TFEB: variants seen among roughly 807,000 people sequenced by gnomAD.
The protein encoded by TFEB is T-cell transcription factor EB.
In TFEB, 12 loss-of-function variants were observed where a neutral mutation model predicts 48.0. The observed-to-expected ratio is 0.25, with a 90% CI of 0.16 to 0.40. The LOEUF is 0.40. Among genes scored for constraint, TFEB ranks in the 10% least tolerant of loss-of-function variants. The pLI, the probability that TFEB is intolerant of heterozygous loss-of-function variation, is 1.00. For synonymous variants in TFEB, 244 were observed against 261.4 expected (o/e 0.93, Z 0.64); for missense variants, 509 against 640.3 (o/e 0.79, Z 2.21).
intron 1 of TFEB, among the ~76,000 whole-genome samples, chr6:41,708,091 G>A (rs1433359560): frequency 1.3e-5 from 2 of 152,256 alleles, no homozygotes; most frequent in African/African-American, 4.8e-5. Context: ...GCGAGCCAGT[G>A]TCTGCCACAT....
chr6:41,686,577 G>A (rs1011294967), intron 7 of TFEB: 27 of 240,978 alleles, frequency 1.1e-4, no homozygotes, highest in African/African-American at 3.9e-4. Context: ...GTGCAGTAGC[G>A]AGATCTCGGC....
At chr6:41,702,870 C>T (rs9369305) in intron 1 of TFEB, among the ~76,000 whole-genome samples, 21,142 of 152,248 alleles carry the variant, frequency 0.14, 1,657 homozygotes, top group East Asian at 0.23. Context: ...TCCCCCTCTC[C>T]GGGACTCAAG....
At chr6:41,697,427 A>AAAAAAAAAAAAAAAAAAAAAG (rs1769655029) in intron 1 of TFEB, among the ~76,000 whole-genome samples, 3 of 145,198 alleles carry the variant, frequency 2.1e-5, no homozygotes, top group African/African-American at 7.8e-5. Context: ...AAAAAAAAAA[A>AAAAAAAAAAAAAAAAAAAAAG]GAATGAGGGC....
chr6:41,718,067 C>T (rs1344523517), intron 1 of TFEB, among the ~76,000 whole-genome samples: 2 of 152,120 alleles, frequency 1.3e-5, no homozygotes, highest in African/African-American at 2.4e-5. Context: ...TTATGGAGTA[C>T]AAGGTGATGC....
chr6:41,685,929 A>G (rs1171951950), intron 8 of TFEB, among the ~76,000 whole-genome samples, 161 bp downstream of exon 8: 1 of 152,258 alleles, frequency 6.6e-6, no homozygotes, highest in Non-Finnish European at 1.5e-5. Context: ...GATGCTGAGG[A>G]TTGTTTGTTA....
intron 1 of TFEB, among the ~76,000 whole-genome samples, chr6:41,716,925 T>C (rs1177825471): frequency 6.6e-6 from 1 of 152,140 alleles, no homozygotes; most frequent in Non-Finnish European, 1.5e-5. Context: ...GCTGTGTTGA[T>C]GGAGGCATCG....
At chr6:41,710,427 C>A (rs1371025235) in intron 1 of TFEB, among the ~76,000 whole-genome samples, 1 of 152,040 alleles carries the variant, frequency 6.6e-6, no homozygotes, top group Non-Finnish European at 1.5e-5. Flanking sequence ...CCAGGATGGC[C>A]AAGGAGAAGA....
chr6:41,716,295 TCTGCTGGCTC>T (rs1770731927), intron 1 of TFEB, among the ~76,000 whole-genome samples: 1 of 152,184 alleles, frequency 6.6e-6, no homozygotes, highest in East Asian at 1.9e-4. Context: ...CCCTATAATG[TCTGCTGGCTC>T]CTCCTTCAGC....
intron 1 of TFEB, among the ~76,000 whole-genome samples, chr6:41,718,227 G>A (rs1770820391): frequency 6.6e-6 from 1 of 151,744 alleles, no homozygotes; most frequent in African/African-American, 2.4e-5. Context: ...TTTGTTTTTG[G>A]AGACAGGGTC....
chr6:41,736,118 A>G, upstream of TFEB: 1 of 1,612,730 alleles, frequency 6.2e-7, no homozygotes, highest in Non-Finnish European at 8.5e-7. Flanking sequence ...TGCCCCCATT[A>G]TGGGTTCTAC....
chr6:41,684,771 C>T lies in TFEB; in HGVS notation c.1259G>A (p.Gly420Glu). ...CAGGCTGGGGAATGGGGAGCCATGC[C>T]CCGGCGCCAGGGGTTCGGGGTAGCC... ...PPGYPEPLAP[G>E]HGSPFPSLSK... The change falls in exon 9 of 9, where the codon GGG (glycine) becomes GAG (glutamate). Residue 420 changes from glycine (G) to glutamate (E), a missense_variant. Physicochemically the swap from Gly to Glu is moderately conservative, Grantham distance 98 (BLOSUM62 -2). This residue lies in a region of TFEB where 168 missense variants were observed against 161.0 expected (regional missense o/e 1.04). Transcript: ENST00000373033. 2 of 1,612,054 alleles carry T rather than the reference C, an allele frequency of 1.2e-6. No homozygotes were observed. Among genetic ancestry groups the T allele is most frequent in the Non-Finnish European group, 1.7e-6 (2 of 1,179,212 alleles).
chr6:41,735,045 C>T (rs1771620649), intron 1 of TFEB: 1 of 985,268 alleles, frequency 1.0e-6, no homozygotes. Flanking sequence ...CCGGGAAGGC[C>T]CATGCCCGCC....
chr6:41,688,939 CAGG>C, intron 4 of TFEB, among the ~76,000 whole-genome samples: 2 of 152,294 alleles, frequency 1.3e-5, no homozygotes, highest in Admixed American at 1.3e-4. Flanking sequence ...AGCTGAGGTT[CAGG>C]AGCTCCAAAG....
chr6:41,715,423 A>G (rs1449508924), intron 1 of TFEB, among the ~76,000 whole-genome samples: 1 of 152,180 alleles, frequency 6.6e-6, no homozygotes, highest in Non-Finnish European at 1.5e-5. Flanking sequence ...TCATCCTAGC[A>G]CTTTGGGAGG....
intron 1 of TFEB, among the ~76,000 whole-genome samples, chr6:41,709,300 A>T (rs1770377287): frequency 6.6e-6 from 1 of 151,908 alleles, no homozygotes; most frequent in East Asian, 1.9e-4. Flanking sequence ...ACCTTCATCA[A>T]CTTACTTAAA....
chr6:41,731,784 C>T (rs975568376), intron 1 of TFEB, among the ~76,000 whole-genome samples: 19 of 152,198 alleles, frequency 1.2e-4, no homozygotes, highest in Admixed American at 6.5e-4. Context: ...CGTTAATGGA[C>T]GTGGAATGCA....
intron 3 of TFEB, 148 bp downstream of exon 3, chr6:41,690,515 G>A (rs899263967): frequency 2.1e-6 from 2 of 930,750 alleles, no homozygotes; most frequent in Non-Finnish European, 2.9e-6. Flanking sequence ...CCTGAGATTG[G>A]GGCTCCCTGA....
chr6:41,700,262 G>C (rs569397961), intron 1 of TFEB, among the ~76,000 whole-genome samples: 26 of 152,136 alleles, frequency 1.7e-4, no homozygotes, highest in African/African-American at 4.6e-4. Context: ...GTCAAGAGAT[G>C]GAGACCATCC....
At chr6:41,721,945 T>C (rs1161312568) in intron 1 of TFEB, among the ~76,000 whole-genome samples, 1 of 152,158 alleles carries the variant, frequency 6.6e-6, no homozygotes, top group African/African-American at 2.4e-5. Flanking sequence ...AGGAAGTCTC[T>C]TCCAACTCCA....
Sources: allele counts gnomAD v4.1 joint callset (sites outside exome capture counted in the v4.1 genomes callset), GRCh38; gene constraint gnomAD v4.1.1; regional missense constraint gnomAD v4.1.1; transcripts MANE v1.5; gene names NCBI Gene and HGNC (gene_info 2026-07-23, HGNC 2026-07-21).